Variants in CORO7 observed in about 807,000 individuals in gnomAD.
The protein encoded by CORO7 is coronin-7.
In CORO7, 107 loss-of-function variants were observed where a neutral mutation model predicts 126.6. The observed-to-expected ratio is 0.85, with a 90% CI of 0.72 to 0.99. The LOEUF (loss-of-function observed/expected upper bound fraction) is 0.99, where lower values mean the gene tolerates loss of function less well. Among genes scored for constraint, CORO7 ranks in the 50% least tolerant of loss-of-function variants. The pLI is 0.00. For missense variants in CORO7, 1,314 were observed against 1,255.8 expected (o/e 1.05, Z -0.70); for synonymous variants, 603 against 536.8 (o/e 1.12, Z -1.70).
At chr16:4,410,141 G>A (rs1035599827) in intron 3 of CORO7, among the ~76,000 whole-genome samples, 1 of 152,138 alleles carries the variant, frequency 6.6e-6, no homozygotes, top group Non-Finnish European at 1.5e-5. Flanking sequence ...AGTCAAACAT[G>A]AAGCCAGGTA....
At chr16:4,391,583 T>TA (rs1159868488) in intron 7 of CORO7, among the ~76,000 whole-genome samples, 3 of 152,082 alleles carry the variant, frequency 2.0e-5, no homozygotes, top group Admixed American at 6.5e-5. Flanking sequence ...ACAACCCAAC[T>TA]AGCTTGACGT....
intron 7 of CORO7, among the ~76,000 whole-genome samples, chr16:4,391,602 G>A (rs1349274338): frequency 1.3e-5 from 2 of 152,058 alleles, no homozygotes; most frequent in African/African-American, 2.4e-5. Flanking sequence ...GTGGTGGTGC[G>A]TGCCTGTAGT....
intron 6 of CORO7, among the ~76,000 whole-genome samples, chr16:4,395,563 G>A (rs2055553460): frequency 6.6e-6 from 1 of 152,174 alleles, no homozygotes; most frequent in South Asian, 2.1e-4. Context: ...GTGTTCAGCT[G>A]CCTGAGACCT....
chr16:4,407,081 G>A (rs550002880), intron 5 of CORO7, among the ~76,000 whole-genome samples: 6 of 152,218 alleles, frequency 3.9e-5, no homozygotes, highest in African/African-American at 1.4e-4. Context: ...CTGAGTAGCT[G>A]GGATTACAGG....
chr16:4,364,256 G>A lies in CORO7; in HGVS notation c.1275+20C>T. On this transcript the variant is annotated intron_variant, in intron 14 of 27. Transcript: ENST00000251166. ...ACTGCAGTGTCGCTGAGGGAGGATG[G>A]GGGCGGCCCTGGTACTTACGCTTGC... 6.6e-7 allele frequency: 1 copy of A among 1,520,716 alleles called. No individual in the cohort carries two copies. The highest frequency in any genetic ancestry group is 8.8e-7 in the Non-Finnish European group (1 of 1,137,510). The allele number at this position is 1,520,716 out of a possible 1,614,324, so 94.2% of individuals were successfully genotyped here.
At chr16:4,365,117 G>A in intron 10 of CORO7, 57 bp from the exon 11 acceptor site, 1 of 1,554,494 alleles carries the variant, frequency 6.4e-7, no homozygotes, top group African/African-American at 1.4e-5. Flanking sequence ...GGAGGGCCCA[G>A]GACTGGCATC....
intron 9 of CORO7, chr16:4,381,020 G>T: frequency 6.2e-7 from 1 of 1,609,790 alleles, no homozygotes; most frequent in Non-Finnish European, 8.5e-7. Flanking sequence ...ACGGTGCCCC[G>T]AGACGTGCCA....
In CORO7 at chr16:4,358,409, C is replaced by G. The variant is rs763232660; in HGVS notation, c.2415G>C (p.Gln805His). Reference sequence around the variant, plus strand: ...GGAAGGCCACAGGCTCCAGGGAGGACTGACGCAGCCGCAGGCACCGCATCA... The same window carrying G: ...GGAAGGCCACAGGCTCCAGGGAGGAGTGACGCAGCCGCAGGCACCGCATCA... Reference protein sequence around the residue: ...VELMRCLRLRQSSLEPVAFRL... With the variant: ...VELMRCLRLRHSSLEPVAFRL... Residue 805 changes from glutamine to histidine, a missense_variant, in exon 24 of 28, where the codon CAG (glutamine) becomes CAC (histidine). By Grantham distance (24) the Gln-to-His change is conservative. Transcript: ENST00000251166. 23 of 1,612,648 alleles carry G rather than the reference C, an allele frequency of 1.4e-5. No individual in the cohort carries two copies. In the African/African-American group the frequency reaches 2.0e-4, roughly 14 times the overall value.
intron 1 of CORO7, chr16:4,415,887 C>T: frequency 1.0e-6 from 1 of 985,724 alleles, no homozygotes; most frequent in Non-Finnish European, 1.2e-6. Flanking sequence ...GGCAGCATCA[C>T]CGAGATAAAG....
chr16:4,390,998 G>A (rs1351656569), intron 7 of CORO7, among the ~76,000 whole-genome samples: 1 of 152,222 alleles, frequency 6.6e-6, no homozygotes, highest in African/African-American at 2.4e-5. Context: ...TCCGTGCCCA[G>A]CCACTCCCCA....
chr16:4,388,979 G>T (rs1314973455), intron 7 of CORO7, among the ~76,000 whole-genome samples: 1 of 152,180 alleles, frequency 6.6e-6, no homozygotes, highest in East Asian at 1.9e-4. Flanking sequence ...GCACTTTCTT[G>T]CCCCTAAGAG....
In CORO7 at chr16:4,413,425, A is replaced by C. The variant is rs200358259; in HGVS notation, c.61-21T>G. On this transcript the variant is annotated intron_variant, in intron 1 of 27. Transcript: ENST00000251166. ...CAGGACTGAAAATCAAGAGTAAAGA[A>C]GTATGTGGTGAGAGCCAGGGTTCCA... 4,171 of 1,555,556 alleles carry C rather than the reference A, an allele frequency of 2.7e-3. 12 individuals carry two copies. The highest frequency in any genetic ancestry group is 7.1e-3 in the South Asian group (599 of 84,414).
At chr16:4,383,579 G>A (rs1478634024) in intron 9 of CORO7, 1 of 157,330 alleles carries the variant, frequency 6.4e-6, no homozygotes, top group Non-Finnish European at 1.5e-5. Flanking sequence ...GATGAAGAAG[G>A]AGTGGCCCTC....
At chr16:4,391,007 C>G (rs979712366) in intron 7 of CORO7, among the ~76,000 whole-genome samples, 3 of 152,246 alleles carry the variant, frequency 2.0e-5, no homozygotes, top group Admixed American at 6.5e-5. Context: ...AGCCACTCCC[C>G]AATGTGGGTA....
chr16:4,380,856 T>C (rs984406947), intron 9 of CORO7: 8 of 1,478,916 alleles, frequency 5.4e-6, no homozygotes, highest in Non-Finnish European at 7.1e-6. Context: ...CTCTGCCTCC[T>C]CTCTGCTCCC....
At chr16:4,365,616 A>G in intron 9 of CORO7, 71 bp from the exon 10 acceptor site, 1 of 1,538,648 alleles carries the variant, frequency 6.5e-7, no homozygotes, top group Non-Finnish European at 8.8e-7. Context: ...CCCATGTAGG[A>G]GCCCAGGACA....
intron 3 of CORO7, among the ~76,000 whole-genome samples, chr16:4,409,213 T>G (rs2056114752): frequency 6.6e-6 from 1 of 152,186 alleles, no homozygotes; most frequent in African/African-American, 2.4e-5. Context: ...CCTCCCGGCC[T>G]CAGGAGACAG....
At chr16:4,381,123 C>T in intron 9 of CORO7, 1 of 1,610,144 alleles carries the variant, frequency 6.2e-7, no homozygotes, top group Non-Finnish European at 8.5e-7. Context: ...AGCTCCTGGA[C>T]CTGTCACAGA....
chr16:4,358,519 C>T (rs1234110964), intron 23 of CORO7, 36 bp from the exon 24 acceptor site: 2 of 1,547,404 alleles, frequency 1.3e-6, no homozygotes, highest in East Asian at 4.6e-5. Flanking sequence ...GCCGCTGGGA[C>T]CTAGAGCTCA....
Sources: gnomAD v4.1 joint callset for allele counts (sites outside exome capture counted in the v4.1 genomes callset) on GRCh38, gnomAD v4.1.1 for gene constraint, MANE v1.5 for transcripts, NCBI Gene and HGNC (gene_info 2026-07-23, HGNC 2026-07-21) for gene names.